ARHGAP44: variants seen among roughly 807,000 people sequenced by gnomAD.
The protein encoded by ARHGAP44 is Rho GTPase activating protein 44.
In ARHGAP44, 43 loss-of-function variants were observed where a neutral mutation model predicts 106.8. The ratio of observed to expected loss-of-function variants is 0.40; its 90% confidence interval spans 0.32 to 0.52. The LOEUF is 0.52. ARHGAP44 is among the 20% of genes least tolerant of loss of function. ARHGAP44 has a pLI of 0.48. For synonymous variants in ARHGAP44, 439 were observed against 410.3 expected, an observed-to-expected ratio of 1.07 and a Z score of -0.85; for missense variants, 866 against 1,050.5, an observed-to-expected ratio of 0.82 and a Z score of 2.43.
chr17:12,859,499 A>G (rs992307684), intron 1 of ARHGAP44, among the ~76,000 whole-genome samples: 17 of 152,098 alleles, frequency 1.1e-4, no homozygotes, highest in Non-Finnish European at 2.1e-4. Context: ...TCTCATCATC[A>G]CTTAAGATTT....
chr17:12,934,732 C>T (rs986202972), intron 7 of ARHGAP44, among the ~76,000 whole-genome samples: 3 of 152,156 alleles, frequency 2.0e-5, no homozygotes, highest in Non-Finnish European at 4.4e-5. Flanking sequence ...CATTGACATA[C>T]ATTTGTCAAA....
intron 1 of ARHGAP44, among the ~76,000 whole-genome samples, chr17:12,825,816 G>A (rs1213458308): frequency 6.6e-6 from 1 of 152,160 alleles, no homozygotes; most frequent in Admixed American, 6.5e-5. Flanking sequence ...GTCTGTGTTA[G>A]CCCATTATTA....
At chr17:12,906,409 A>G (rs1056898401) in intron 3 of ARHGAP44, among the ~76,000 whole-genome samples, 1 of 151,702 alleles carries the variant, frequency 6.6e-6, no homozygotes, top group Non-Finnish European at 1.5e-5. Flanking sequence ...TTAAGATGTC[A>G]ATTGCAAATC....
At chr17:12,861,570 G>A (rs941595857) in intron 1 of ARHGAP44, among the ~76,000 whole-genome samples, 3 of 151,200 alleles carry the variant, frequency 2.0e-5, no homozygotes, top group Non-Finnish European at 2.9e-5. Flanking sequence ...GGGTTGTGCT[G>A]TCCTCATACC....
At chr17:12,988,534 C>T (rs1005393231) in intron 20 of ARHGAP44, 1 of 152,160 alleles carries the variant, frequency 6.6e-6, no homozygotes, top group South Asian at 2.1e-4. Context: ...TCCTCCAGCC[C>T]CACGCCCCAA....
At chr17:12,987,430 G>T in intron 20 of ARHGAP44, 1 of 376,082 alleles carries the variant, frequency 2.7e-6, no homozygotes, top group Non-Finnish European at 4.9e-6. Flanking sequence ...AATCACATCT[G>T]CAGCTCCTCC....
chr17:12,868,340 A>G (rs766443750), intron 1 of ARHGAP44, among the ~76,000 whole-genome samples: 11 of 152,100 alleles, frequency 7.2e-5, no homozygotes, highest in Admixed American at 3.9e-4. Context: ...TTTAAAGACC[A>G]TATCTTCAAA....
chr17:12,843,190 G>A (rs1444554718), intron 1 of ARHGAP44, among the ~76,000 whole-genome samples: 2 of 152,156 alleles, frequency 1.3e-5, no homozygotes, highest in African/African-American at 2.4e-5. Context: ...TATGCTGGCA[G>A]TTGGCTGGCC....
intron 1 of ARHGAP44, among the ~76,000 whole-genome samples, chr17:12,894,647 C>G (rs1425463613): frequency 6.6e-6 from 1 of 152,116 alleles, no homozygotes; most frequent in Non-Finnish European, 1.5e-5. Flanking sequence ...AACCTTAATT[C>G]TGATACTTAA....
intron 2 of ARHGAP44, among the ~76,000 whole-genome samples, chr17:12,895,207 TA>T (rs1379798505): frequency 8.7e-5 from 3 of 34,590 alleles, no homozygotes; most frequent in South Asian, 6.7e-4. Flanking sequence ...TCGATGTGGT[TA>T]AAACTGCTCC....
chr17:12,902,805 CATA>C (rs2037412116), intron 3 of ARHGAP44, among the ~76,000 whole-genome samples: 3 of 152,158 alleles, frequency 2.0e-5, no homozygotes, highest in African/African-American at 7.2e-5. Context: ...TGGTAAGAAT[CATA>C]ATAATTCCCT....
At position 12,793,008 on chromosome 17, in the gene ARHGAP44, C is replaced by T. The variant is rs567728773; in HGVS notation, c.53+3117C>T. Reference sequence around the variant, plus strand: ...CCCTTTCTGTCCCTTCACTTCAATCCGTCCTTTGGGAAGCACTCCCTGGCC... The same window carrying T: ...CCCTTTCTGTCCCTTCACTTCAATCTGTCCTTTGGGAAGCACTCCCTGGCC... On this transcript the variant is annotated intron_variant, in intron 1 of 20. Transcript: ENST00000379672. Among the ~76,000 whole-genome samples the T allele has an allele frequency of 3.4e-3, 511 of 152,318 alleles. 3 individuals are homozygous for T. The highest frequency in any genetic ancestry group is 5.8e-3 in the Non-Finnish European group (397 of 68,044).
In ARHGAP44 at chr17:12,802,949, ATATATATATATATATATATATTTT is replaced by A. The variant is rs2034149807; in HGVS notation, c.53+13060_53+13083del. Among the ~76,000 whole-genome samples, 6 of 17,218 alleles carry A rather than the reference ATATATATATATATATATATATTTT, an allele frequency of 3.5e-4. 2 individuals carry two copies. The highest frequency in any genetic ancestry group is 5.4e-3 in the South Asian group (2 of 368). 11.3% of individuals were successfully genotyped at this position (17,218 alleles called of 152,430 possible). A position where few individuals can be genotyped will look rare whatever the true frequency, so the allele number is the denominator to read the frequency against. ...AATTTATATATATATATATATATAT[ATATATATATATATATATATATTTT>A]TTTTTTTTTTTTTTTTTGAGGCAGA... On this transcript the variant is annotated intron_variant, in intron 1 of 20. Transcript: ENST00000379672.
chr17:12,855,819 G>A (rs985955752), intron 1 of ARHGAP44, among the ~76,000 whole-genome samples: 1 of 152,164 alleles, frequency 6.6e-6, no homozygotes, highest in East Asian at 1.9e-4. Context: ...CTAAATGGAA[G>A]ATGTTATTGT....
intron 16 of ARHGAP44, among the ~76,000 whole-genome samples, chr17:12,969,282 CTCTT>C (rs149516695): frequency 0.08 from 12,106 of 152,172 alleles, 634 homozygotes; most frequent in Admixed American, 0.12. Flanking sequence ...TGCGTTCATT[CTCTT>C]TCTTTCTCTG....
At chr17:12,903,083 TGAGAGAGAGAGAGA>T (rs67363604) in intron 3 of ARHGAP44, among the ~76,000 whole-genome samples, 2,729 of 69,992 alleles carry the variant, frequency 0.039, 129 homozygotes, top group African/African-American at 0.074. Flanking sequence ...AGGGAATATA[TGAGAGAGAGAGAGA>T]GAGAGAGAGA....
At chr17:12,847,629 T>C (rs2035608749) in intron 1 of ARHGAP44, among the ~76,000 whole-genome samples, 1 of 150,454 alleles carries the variant, frequency 6.6e-6, no homozygotes, top group Admixed American at 6.6e-5. Context: ...TTCTCCTGCC[T>C]CAGCCTCCCC....
chr17:12,977,417 G>T (rs2039712285), intron 18 of ARHGAP44, among the ~76,000 whole-genome samples: 1 of 151,940 alleles, frequency 6.6e-6, no homozygotes, highest in Admixed American at 6.6e-5. Flanking sequence ...CCTCTGACTG[G>T]TTCCCACCTT....
intron 16 of ARHGAP44, among the ~76,000 whole-genome samples, chr17:12,970,942 A>G (rs1460174531): frequency 3.9e-5 from 6 of 152,204 alleles, no homozygotes; most frequent in Non-Finnish European, 1.5e-5. Context: ...ATGCACTTTT[A>G]GGCTTCCAAC....
Sources: gnomAD v4.1 joint callset for allele counts (sites outside exome capture counted in the v4.1 genomes callset) on GRCh38, gnomAD v4.1.1 for gene constraint, MANE v1.5 for transcripts, NCBI Gene and HGNC (gene_info 2026-07-23, HGNC 2026-07-21) for gene names.